RPS6KA1: variants seen among roughly 807,000 people sequenced by gnomAD.
RPS6KA1 encodes the protein ribosomal protein S6 kinase A1.
A neutral mutation model predicts 91.3 loss-of-function variants in RPS6KA1; 48 were observed. The observed-to-expected ratio is 0.53, with a 90% CI of 0.42 to 0.67. The LOEUF is 0.67. Among genes scored for constraint, RPS6KA1 ranks in the 30% least tolerant of loss-of-function variants. The pLI is 0.00. For synonymous variants in RPS6KA1, 359 were observed against 384.7 expected, an observed-to-expected ratio of 0.93 and a Z score of 0.78; for missense variants, 719 against 960.5, an observed-to-expected ratio of 0.75 and a Z score of 3.32.
At chr1:26,570,735 G>A (rs1393837936) in intron 17 of RPS6KA1, among the ~76,000 whole-genome samples, 4 of 152,194 alleles carry the variant, frequency 2.6e-5, no homozygotes, top group South Asian at 2.1e-4. Context: ...CTTACATGCC[G>A]GTGGGCAGAC....
At chr1:26,530,648 C>G in intron 1 of RPS6KA1, 1 of 889,262 alleles carries the variant, frequency 1.1e-6, no homozygotes, top group Non-Finnish European at 1.5e-6. Context: ...GCCTGCCTCC[C>G]TTCTTATGCC....
intron 1 of RPS6KA1, 104 bp downstream of exon 1, chr1:26,530,087 A>G: frequency 1.4e-6 from 1 of 712,204 alleles, no homozygotes; most frequent in Non-Finnish European, 1.9e-6. Flanking sequence ...GGCGCCCGCG[A>G]GGGCGCGAGT....
Position 26,551,400 on chromosome 1 carries a change from G to T in RPS6KA1, c.311G>T (p.Arg104Leu). The change falls in exon 5 of 22, where the codon CGT becomes CTT. Residue 104 changes from arginine (R) to leucine (L), a missense_variant. Around this residue, in one of 5 missense-constraint regions of RPS6KA1, gnomAD observed 159 missense variants for 264.5 expected, o/e 0.60. Transcript: ENST00000374168. This position sits in a 1 kb window ranked among gnomAD's most constrained non-coding sequence, Gnocchi z 4.5. ...ACTTCCTTTCTCGTCTGGCCAGTAC[G>T]TGACCGCGTCCGGACCAAGATGGAG... ...KVLKKATLKV[R>L]DRVRTKMERD... 1 of 1,614,124 alleles carries T rather than the reference G, an allele frequency of 6.2e-7. No individual in the cohort carries two copies. Among genetic ancestry groups the T allele is most frequent in the Non-Finnish European group, 8.5e-7 (1 of 1,179,974 alleles).
chr1:26,535,190 C>T (rs1231181848), intron 1 of RPS6KA1, among the ~76,000 whole-genome samples: 1 of 152,078 alleles, frequency 6.6e-6, no homozygotes, highest in Admixed American at 6.5e-5. Context: ...TGAGAGATGA[C>T]AGTGTGTGTA....
intron 13 of RPS6KA1, 31 bp downstream of exon 13, chr1:26,557,131 G>A (rs1437782470): frequency 6.4e-7 from 1 of 1,573,714 alleles, no homozygotes; most frequent in Non-Finnish European, 8.7e-7. Flanking sequence ...GTCTGTCTTG[G>A]GCTGGTACAG....
intron 14 of RPS6KA1, among the ~76,000 whole-genome samples, chr1:26,559,495 T>C (rs1224052740): frequency 1.3e-5 from 2 of 152,022 alleles, no homozygotes; most frequent in Non-Finnish European, 2.9e-5. Context: ...GTCTCCCGAA[T>C]AGCTGGGACT....
intron 21 of RPS6KA1, 128 bp from the exon 22 acceptor site, chr1:26,573,951 C>G (rs796707384): frequency 1.1e-6 from 1 of 926,612 alleles, no homozygotes; most frequent in Non-Finnish European, 1.6e-6. Flanking sequence ...AAAAAAAAAA[C>G]AACAAAAACA....
At chr1:26,546,827 A>G (rs774042153) in intron 2 of RPS6KA1, 40 bp from the exon 3 acceptor site, 2 of 1,542,866 alleles carry the variant, frequency 1.3e-6, no homozygotes, top group Admixed American at 1.7e-5. Flanking sequence ...TGCTGCCTGG[A>G]TGGGGCCCAC....
chr1:26,557,276 C>T lies in RPS6KA1; in HGVS notation c.1084+176C>T, dbSNP rs139420072. Reference sequence around the variant, plus strand: ...GACTTTGTCCCTGTCTCACTCCGCCCGACTCTCTCACTATGGGGCTCTGTG... The same window carrying T: ...GACTTTGTCCCTGTCTCACTCCGCCTGACTCTCTCACTATGGGGCTCTGTG... On this transcript the variant is annotated intron_variant, in intron 13 of 21. Coordinates refer to ENST00000374168, the MANE Select transcript of RPS6KA1 (RefSeq NM_002953.4). Among the ~76,000 whole-genome samples, 757 of 152,132 alleles carry T rather than the reference C, an allele frequency of 5.0e-3. 6 individuals are homozygous for T. The highest frequency in any genetic ancestry group is 0.01 in the Middle Eastern group (3 of 294).
At position 26,547,020 on chromosome 1, in the gene RPS6KA1, G is replaced by C. The variant is rs557470964; in HGVS notation, c.225+37G>C. 1 of 1,583,198 alleles carries C rather than the reference G, an allele frequency of 6.3e-7. No homozygotes were observed. Among genetic ancestry groups the C allele is most frequent in the Non-Finnish European group, 8.7e-7 (1 of 1,152,224 alleles). ...GCCCATAGCTGTGAAGGCAACACTCGTCATGTTAGAGGTGGGGGTCAAGGG... is the reference window on the plus strand; with the variant it reads ...GCCCATAGCTGTGAAGGCAACACTCCTCATGTTAGAGGTGGGGGTCAAGGG... On this transcript the variant is annotated intron_variant, in intron 3 of 21. Coordinates refer to ENST00000374168, the MANE Select transcript of RPS6KA1 (RefSeq NM_002953.4). This position sits in a 1 kb window ranked among gnomAD's most constrained non-coding sequence, Gnocchi z 4.1.
At chr1:26,533,611 A>G (rs1557486991) in intron 1 of RPS6KA1, among the ~76,000 whole-genome samples, 1 of 152,208 alleles carries the variant, frequency 6.6e-6, no homozygotes, top group African/African-American at 2.4e-5. Context: ...AGGCTGAGGC[A>G]GAAGAATTGC....
At chr1:26,566,852 G>A (rs1175924502) in intron 17 of RPS6KA1, among the ~76,000 whole-genome samples, 1 of 152,104 alleles carries the variant, frequency 6.6e-6, no homozygotes, top group Non-Finnish European at 1.5e-5. Context: ...CTTTAACCAG[G>A]TGATTCACTT....
intron 2 of RPS6KA1, among the ~76,000 whole-genome samples, chr1:26,546,440 C>G (rs939688215): frequency 6.6e-6 from 1 of 152,170 alleles, no homozygotes; most frequent in African/African-American, 2.4e-5. Flanking sequence ...AGAGGGATCC[C>G]CTCATCCCAT....
chr1:26,550,176 G>GC (rs1557498931), intron 4 of RPS6KA1, among the ~76,000 whole-genome samples: 1 of 133,810 alleles, frequency 7.5e-6, no homozygotes, highest in Non-Finnish European at 1.6e-5. Flanking sequence ...ACCACGCCTG[G>GC]CCAATTTTTT....
intron 1 of RPS6KA1, 76 bp from the exon 2 acceptor site, chr1:26,536,849 G>A: frequency 6.5e-7 from 1 of 1,547,948 alleles, no homozygotes; most frequent in African/African-American, 1.4e-5. Flanking sequence ...CCTAAGGGTG[G>A]GGGTGCCCCA....
chr1:26,574,611 T>G lies in RPS6KA1; in HGVS notation c.*410T>G. 2.6e-6 allele frequency: 1 copy of G among 386,010 alleles called. No homozygotes were observed. The highest frequency in any genetic ancestry group is 3.2e-5 in the Admixed American group (1 of 31,576). The allele number at this position is 386,010 out of a possible 1,614,324, so 23.9% of individuals were successfully genotyped here. A position where few individuals can be genotyped will look rare whatever the true frequency, so the allele number is the denominator to read the frequency against. On this transcript the variant is annotated 3_prime_UTR_variant, in exon 22 of 22. Coordinates refer to ENST00000374168, the MANE Select transcript of RPS6KA1 (RefSeq NM_002953.4). This position sits in a 1 kb window ranked among gnomAD's most constrained non-coding sequence, Gnocchi z 4.3. ...CTGGGGACCCCCACGATTGGCCACC[T>G]GTAGCCATCTGCACACACCTCCGAG...
Position 26,561,674 on chromosome 1 carries a change from A to G in RPS6KA1, c.1590+11A>G, listed in dbSNP as rs756791450. The G allele has an allele frequency of 1.3e-6, 2 of 1,587,212 alleles. No individual in the cohort carries two copies. Among genetic ancestry groups the G allele is most frequent in the South Asian group, 2.3e-5 (2 of 86,832 alleles). On this transcript the variant is annotated intron_variant, in intron 17 of 21. Transcript: ENST00000374168. The surrounding 1 kb of genome is among the most constrained non-coding windows in gnomAD (Gnocchi z 5.7). ...CTGCACTCACAGGGGGTGAGTCTGG[A>G]TTCGGGGAGGCAGTAGGGGGATGCC...
Position 26,547,752 on chromosome 1 carries a change from GA to G in RPS6KA1, c.307+483del, listed in dbSNP as rs572501432. 5.3e-3 allele frequency among the ~76,000 whole-genome samples: 809 copies of G among 152,328 alleles called. 18 individuals are homozygous for G. The highest frequency in any genetic ancestry group is 3.7e-3 in the Non-Finnish European group (254 of 68,028). On this transcript the variant is annotated intron_variant, in intron 4 of 21. Transcript: ENST00000374168. This position sits in a 1 kb window ranked among gnomAD's most constrained non-coding sequence, Gnocchi z 4.1. ...AGAAGGGAGCCCCGAGCCAAGGTTA[GA>G]GTTCTGGGGACTTACAAAGGGTGTG...
chr1:26,565,058 A>T (rs1220178992), intron 17 of RPS6KA1, among the ~76,000 whole-genome samples: 9 of 152,210 alleles, frequency 5.9e-5, no homozygotes, highest in Non-Finnish European at 8.8e-5. Context: ...AAGTATAGAT[A>T]ACCACTTGGT....
Sources: gnomAD v4.1 joint callset for allele counts (sites outside exome capture counted in the v4.1 genomes callset) on GRCh38, gnomAD v4.1.1 for gene constraint, gnomAD v4.1.1 regional missense constraint, Gnocchi (gnomAD v3.1) non-coding constraint, MANE v1.5 for transcripts, NCBI Gene and HGNC (gene_info 2026-07-23, HGNC 2026-07-21) for gene names.